The following RFX4 variants were observed in gnomAD, a reference collection of about 807,000 sequenced individuals.
RFX4 encodes transcription factor RFX4.
RFX4 carries 10 observed loss-of-function variants against 95.0 expected under a neutral mutation model. The ratio of observed to expected loss-of-function variants is 0.11; its 90% CI spans 0.06 to 0.18. RFX4 has a LOEUF of 0.18. Among genes scored for constraint, RFX4 ranks in the 10% least tolerant of loss-of-function variants. The pLI, the probability that RFX4 is intolerant of heterozygous loss-of-function variation, is 1.00. For synonymous variants in RFX4, 321 were observed against 340.7 expected (o/e 0.94, Z 0.64); for missense variants, 640 against 922.0 (o/e 0.69, Z 3.96).
At chr12:106,598,858 AT>A (rs1222732913) in intron 1 of RFX4, among the ~76,000 whole-genome samples, 2 of 152,212 alleles carry the variant, frequency 1.3e-5, no homozygotes, top group Non-Finnish European at 2.9e-5. Flanking sequence ...TTTTAATAAT[AT>A]TGTTATAGTA....
chr12:106,659,736 C>T (rs2041034596), intron 4 of RFX4, among the ~76,000 whole-genome samples: 1 of 152,188 alleles, frequency 6.6e-6, no homozygotes, highest in African/African-American at 2.4e-5. Context: ...GGATGATTTG[C>T]CAAGTTCACA....
chr12:106,621,149 G>A (rs2040178933), intron 2 of RFX4, among the ~76,000 whole-genome samples: 1 of 152,182 alleles, frequency 6.6e-6, no homozygotes, highest in African/African-American at 2.4e-5. Context: ...TACATCCTCA[G>A]CTTACGAATA....
intron 1 of RFX4, among the ~76,000 whole-genome samples, chr12:106,606,775 A>G (rs1300124978): frequency 1.3e-5 from 2 of 152,182 alleles, no homozygotes; most frequent in Non-Finnish European, 2.9e-5. Flanking sequence ...TTAAAAGAGC[A>G]GTTTGTTGGG....
At chr12:106,759,573 A>G (rs1208922286) in intron 17 of RFX4, among the ~76,000 whole-genome samples, 1 of 152,106 alleles carries the variant, frequency 6.6e-6, no homozygotes, top group African/African-American at 2.4e-5. Context: ...CCCACTGTGC[A>G]GGCCTGAGGG....
intron 7 of RFX4, among the ~76,000 whole-genome samples, chr12:106,689,827 T>A (rs886159059): frequency 3.9e-5 from 6 of 152,328 alleles, no homozygotes; most frequent in Non-Finnish European, 7.3e-5. Context: ...GATCCATAGA[T>A]TTCCATCAAA....
intron 7 of RFX4, among the ~76,000 whole-genome samples, chr12:106,691,220 C>T (rs1179181252): frequency 6.6e-6 from 1 of 152,210 alleles, no homozygotes; most frequent in African/African-American, 2.4e-5. Flanking sequence ...CTATTTAATT[C>T]ATAGTGTTAC....
chr12:106,645,885 C>T (rs2040733940), intron 3 of RFX4: 4 of 1,288,632 alleles, frequency 3.1e-6, no homozygotes, highest in African/African-American at 3.0e-5. Context: ...TAGATAATGC[C>T]ACTAGATGTG....
intron 1 of RFX4, among the ~76,000 whole-genome samples, chr12:106,605,085 G>A (rs1238360712): frequency 6.6e-6 from 1 of 152,118 alleles, no homozygotes; most frequent in African/African-American, 2.4e-5. Flanking sequence ...GGATTGTGAT[G>A]AGTATTAAGT....
At chr12:106,632,825 G>T (rs1378935764) in intron 2 of RFX4, among the ~76,000 whole-genome samples, 2 of 152,026 alleles carry the variant, frequency 1.3e-5, no homozygotes, top group Non-Finnish European at 2.9e-5. Flanking sequence ...GGCACTACAG[G>T]TGCATGCCAC....
At chr12:106,600,591 T>G (rs1258970433) in intron 1 of RFX4, among the ~76,000 whole-genome samples, 1 of 152,208 alleles carries the variant, frequency 6.6e-6, no homozygotes, top group African/African-American at 2.4e-5. Flanking sequence ...TTACCCTTTC[T>G]GAGCCAGTGC....
At chr12:106,715,895 G>A (rs1403445873) in intron 11 of RFX4, among the ~76,000 whole-genome samples, 1 of 152,150 alleles carries the variant, frequency 6.6e-6, no homozygotes, top group Non-Finnish European at 1.5e-5. Flanking sequence ...TCAGCCTGGG[G>A]TCAGCTGGAT....
At chr12:106,755,182 T>C (rs879748062) in intron 17 of RFX4, among the ~76,000 whole-genome samples, 5 of 152,166 alleles carry the variant, frequency 3.3e-5, no homozygotes, top group Admixed American at 2.0e-4. Context: ...CTGCAACCTC[T>C]ACCTCCTGGG....
intron 13 of RFX4, among the ~76,000 whole-genome samples, chr12:106,724,871 G>C (rs182546980): frequency 6.6e-6 from 1 of 152,178 alleles, no homozygotes; most frequent in East Asian, 1.9e-4. Flanking sequence ...AATTAGCCGG[G>C]TGTGGTGGCG....
intron 17 of RFX4, among the ~76,000 whole-genome samples, chr12:106,759,319 C>T (rs557531631): frequency 6.6e-6 from 1 of 151,792 alleles, no homozygotes; most frequent in East Asian, 2.0e-4. Context: ...ACCAGCTTGA[C>T]ATGCCATGGG....
In RFX4 at chr12:106,703,800, T is replaced by A. The variant is rs543839254; in HGVS notation, c.834-5530T>A. On this transcript the variant is annotated intron_variant, in intron 8 of 17. Transcript: ENST00000392842. ...TGAAATGAGGGCCAGGCATGGTGGC[T>A]CATGCCTGTAATCCCAGCACTTTGG... is the stretch of plus-strand genomic sequence containing the variant. Among the ~76,000 whole-genome samples the A allele has an allele frequency of 2.4e-3, 368 of 152,220 alleles. 1 individual carries two copies. The highest frequency in any genetic ancestry group is 4.4e-3 in the Non-Finnish European group (301 of 68,020).
At chr12:106,714,555 T>A (rs1431858155) in intron 10 of RFX4, among the ~76,000 whole-genome samples, 2 of 152,234 alleles carry the variant, frequency 1.3e-5, no homozygotes, top group Admixed American at 6.5e-5. Flanking sequence ...TAATTTTTTT[T>A]ATTTTATTAA....
intron 3 of RFX4, among the ~76,000 whole-genome samples, chr12:106,651,275 A>G (rs781729407): frequency 4.6e-5 from 7 of 151,820 alleles, no homozygotes; most frequent in Non-Finnish European, 7.4e-5. Flanking sequence ...AATGAGACAA[A>G]CCCTCCTATT....
At chr12:106,757,777 C>T (rs1181834345) in intron 17 of RFX4, among the ~76,000 whole-genome samples, 1 of 152,202 alleles carries the variant, frequency 6.6e-6, no homozygotes, top group African/African-American at 2.4e-5. Flanking sequence ...GAATAAAGGG[C>T]TCTTTCTTCC....
chr12:106,604,766 T>C (rs1354696245), intron 1 of RFX4, among the ~76,000 whole-genome samples: 2 of 152,186 alleles, frequency 1.3e-5, no homozygotes, highest in African/African-American at 4.8e-5. Context: ...CTGTTGTGTA[T>C]GACAAAGGCT....
Sources: allele counts gnomAD v4.1 joint callset (sites outside exome capture counted in the v4.1 genomes callset), GRCh38; gene constraint gnomAD v4.1.1; transcripts MANE v1.5; gene names NCBI Gene and HGNC (gene_info 2026-07-23, HGNC 2026-07-21).